AGO4: variants seen among roughly 807,000 people sequenced by gnomAD.
AGO4 encodes protein argonaute-4.
In AGO4, 33 loss-of-function variants were observed where a neutral mutation model predicts 104.7. The observed-to-expected ratio is 0.32, with a 90% CI of 0.24 to 0.42. The LOEUF (loss-of-function observed/expected upper bound fraction) is 0.42, where lower values mean the gene tolerates loss of function less well. Among genes scored for constraint, AGO4 ranks in the 10% least tolerant of loss-of-function variants. AGO4 has a pLI of 1.00. For synonymous variants in AGO4, 331 were observed against 364.7 expected, an observed-to-expected ratio of 0.91 and a Z score of 1.05; for missense variants, 711 against 1,083.4, an observed-to-expected ratio of 0.66 and a Z score of 4.83.
At chr1:35,844,869 T>C (rs1437916992) in intron 15 of AGO4, among the ~76,000 whole-genome samples, 1 of 152,220 alleles carries the variant, frequency 6.6e-6, no homozygotes, top group African/African-American at 2.4e-5. Flanking sequence ...GACTAAACTT[T>C]GAGAAAAACA....
At chr1:35,830,192 A>C (rs971536741) in intron 7 of AGO4, among the ~76,000 whole-genome samples, 2 of 150,816 alleles carry the variant, frequency 1.3e-5, no homozygotes, top group African/African-American at 4.9e-5. Flanking sequence ...TGTACTAAGT[A>C]TTTGAGATAA....
At position 35,853,510 on chromosome 1, in the gene AGO4, C is replaced by T. The variant is rs751233062; in HGVS notation, c.2491C>T (p.His831Tyr). Residue 831 changes from histidine (H) to tyrosine (Y), a missense_variant, in exon 18 of 18, where the codon CAT becomes TAT. Transcript: ENST00000373210. ...DKDHDSAEGS[H>Y]VSGQSNGRDP... ...TTCTCTTTACAGTGCGGAAGGCAGT[C>T]ATGTGTCAGGACAGAGCAACGGCCG... 3.7e-6 allele frequency: 6 copies of T among 1,612,192 alleles called. No individual in the cohort carries two copies. Among genetic ancestry groups the T allele is most frequent in the Non-Finnish European group, 5.1e-6 (6 of 1,179,136 alleles).
chr1:35,830,002 C>G (rs1028188732), intron 7 of AGO4, among the ~76,000 whole-genome samples: 1 of 150,990 alleles, frequency 6.6e-6, no homozygotes, highest in Non-Finnish European at 1.5e-5. Flanking sequence ...ATAAAAAATA[C>G]AAAAAAATTA....
intron 3 of AGO4, among the ~76,000 whole-genome samples, chr1:35,824,221 A>G (rs1351340922): frequency 6.6e-6 from 1 of 152,122 alleles, no homozygotes; most frequent in Non-Finnish European, 1.5e-5. Context: ...GCTGTGATTT[A>G]CCGCCTCCAC....
intron 15 of AGO4, among the ~76,000 whole-genome samples, chr1:35,845,933 A>G (rs1644561654): frequency 6.6e-6 from 1 of 152,246 alleles, no homozygotes; most frequent in Non-Finnish European, 1.5e-5. Flanking sequence ...ACTGCCAGTC[A>G]TCCTGGCAGA....
intron 3 of AGO4, among the ~76,000 whole-genome samples, chr1:35,824,872 C>T (rs1440774347): frequency 3.9e-5 from 6 of 152,192 alleles, no homozygotes; most frequent in Admixed American, 3.3e-4. Context: ...CATCCATCAT[C>T]ACTATCCATT....
chr1:35,822,358 C>T (rs1032922713), intron 2 of AGO4, among the ~76,000 whole-genome samples: 1 of 151,994 alleles, frequency 6.6e-6, no homozygotes, highest in South Asian at 2.1e-4. Context: ...CAGGTTCAAG[C>T]GATTCACCTG....
Position 35,841,268 on chromosome 1 carries a change from A to G in AGO4, c.1828A>G (p.Met610Val). The change falls in exon 14 of 18, where the codon ATG becomes GTG. Residue 610 changes from methionine (M) to valine (V), a missense_variant. By Grantham distance (21) the Met-to-Val change is conservative (BLOSUM62 1). Coordinates refer to ENST00000373210, the MANE Select transcript of AGO4 (RefSeq NM_017629.4). This position sits in a 1 kb window ranked among gnomAD's most constrained non-coding sequence, Gnocchi z 4.7. The part of the protein sequence containing the change: ...KPSIAAVVGS[M>V]DGHPSRYCAT... Reference sequence around the variant, plus strand: ...TTCCATTGCTGCTGTGGTTGGCAGTATGGATGGCCACCCCAGCCGGTACTG... The same window carrying G: ...TTCCATTGCTGCTGTGGTTGGCAGTGTGGATGGCCACCCCAGCCGGTACTG... 1.2e-6 allele frequency: 2 copies of G among 1,614,130 alleles called. No individual in the cohort carries two copies. Among genetic ancestry groups the G allele is most frequent in the Non-Finnish European group, 1.7e-6 (2 of 1,180,022 alleles).
At chr1:35,815,868 C>T (rs568710221) in intron 1 of AGO4, among the ~76,000 whole-genome samples, 1 of 152,266 alleles carries the variant, frequency 6.6e-6, no homozygotes, top group Admixed American at 6.5e-5. Flanking sequence ...AAATTTGCCC[C>T]GGGTTGAGAA....
chr1:35,816,759 A>T, intron 1 of AGO4, 123 bp from the exon 2 acceptor site: 2 of 1,117,832 alleles, frequency 1.8e-6, no homozygotes, highest in Non-Finnish European at 1.2e-6. Flanking sequence ...AGATCAAGCC[A>T]CTGCACTCCA....
At chr1:35,820,871 A>C (rs1393166646) in intron 2 of AGO4, among the ~76,000 whole-genome samples, 1 of 152,184 alleles carries the variant, frequency 6.6e-6, no homozygotes, top group Non-Finnish European at 1.5e-5. Context: ...GTATAAATAA[A>C]TAAATACTCT....
rs544199267 is a variant in AGO4, at chr1:35,808,170, T to TGGCGGCGGCGGCGGC, written c.-235_-221dup. On this transcript the variant is annotated 5_prime_UTR_variant, in exon 1 of 18. Coordinates refer to ENST00000373210, the MANE Select transcript of AGO4 (RefSeq NM_017629.4). This position sits in a 1 kb window ranked among gnomAD's most constrained non-coding sequence, Gnocchi z 5.2. The stretch of plus-strand genomic sequence containing the variant: ...CGCTGGCTCCCGCTCCCGCTCCCGT[T>TGGCGGCGGCGGCGGC]GGCGGCGGCGGCGGCGGCGGCGGCG... 1.3e-5 allele frequency: 2 copies of TGGCGGCGGCGGCGGC among 157,398 alleles called. No homozygotes were observed. The highest frequency in any genetic ancestry group is 2.5e-5 in the African/African-American group (1 of 40,174). 9.8% of individuals were successfully genotyped at this position (157,398 alleles called of 1,614,324 possible). A position where few individuals can be genotyped will look rare whatever the true frequency, so the allele number is the denominator to read the frequency against.
At chr1:35,835,006 CTTTTTTTTTTT>C (rs34516326) in intron 12 of AGO4, among the ~76,000 whole-genome samples, 4 of 102,974 alleles carry the variant, frequency 3.9e-5, no homozygotes, top group Non-Finnish European at 7.6e-5. Flanking sequence ...CAGTTTTAAA[CTTTTTTTTTTT>C]TTTTTTTTTT....
At chr1:35,849,580 A>G (rs932928939) in intron 15 of AGO4, among the ~76,000 whole-genome samples, 1 of 150,210 alleles carries the variant, frequency 6.7e-6, no homozygotes, top group Non-Finnish European at 1.5e-5. Context: ...CCCGCTACTC[A>G]GGAGGCTGAG....
chr1:35,814,091 GAGAA>G (rs1215215477), intron 1 of AGO4, among the ~76,000 whole-genome samples: 4 of 148,926 alleles, frequency 2.7e-5, no homozygotes, highest in South Asian at 2.1e-4. Flanking sequence ...AAAAAAGAGA[GAGAA>G]AGAGAAAGAA....
intron 17 of AGO4, among the ~76,000 whole-genome samples, chr1:35,853,125 C>T (rs1644743460): frequency 6.6e-6 from 1 of 151,864 alleles, no homozygotes; most frequent in Admixed American, 6.6e-5. Context: ...GTGGCGGGCG[C>T]CTGTAGTCCC....
Position 35,808,717 on chromosome 1 carries a change from C to A in AGO4, c.19+282C>A, listed in dbSNP as rs1222026721. On this transcript the variant is annotated intron_variant, in intron 1 of 17. Transcript: ENST00000373210. The surrounding 1 kb of genome is among the most constrained non-coding windows in gnomAD (Gnocchi z 5.2). The stretch of plus-strand genomic sequence containing the variant: ...CACTCTTGGCCCCACCTCGGGGAGA[C>A]GATATGTGCCCGGGGTCGCGACGAG... 1.3e-5 allele frequency among the ~76,000 whole-genome samples: 2 copies of A among 152,088 alleles called. No individual in the cohort carries two copies. Among genetic ancestry groups the A allele is most frequent in the African/African-American group, 2.4e-5 (1 of 41,430 alleles).
chr1:35,818,128 G>A (rs1434136356), intron 2 of AGO4, among the ~76,000 whole-genome samples: 1 of 152,118 alleles, frequency 6.6e-6, no homozygotes, highest in Non-Finnish European at 1.5e-5. Flanking sequence ...GATAGGATGA[G>A]CACTGAGATT....
At chr1:35,827,156 A>G (rs558573069) in intron 7 of AGO4, among the ~76,000 whole-genome samples, 1 of 152,180 alleles carries the variant, frequency 6.6e-6, no homozygotes, top group African/African-American at 2.4e-5. Flanking sequence ...AGCCGAGGTC[A>G]CACCACTGCA....
Sources: allele counts gnomAD v4.1 joint callset (sites outside exome capture counted in the v4.1 genomes callset), GRCh38; gene constraint gnomAD v4.1.1; non-coding constraint Gnocchi (gnomAD v3.1); transcripts MANE v1.5; gene names NCBI Gene and HGNC (gene_info 2026-07-23, HGNC 2026-07-21).